NHSL3: variants seen among roughly 807,000 people sequenced by gnomAD.
NHSL3 encodes NHS like 3.
the NHSL3 span, chr1:32,765,773 G>A: frequency 1.3e-6 from 2 of 1,547,944 alleles, no homozygotes; most frequent in East Asian, 2.4e-5. Flanking sequence ...CGCAGTCATG[G>A]TGGTGTTCGT....
At chr1:32,769,763 C>T in the NHSL3 span, 90 of 1,613,774 alleles carry the variant, frequency 5.6e-5, 1 homozygote, top group African/African-American at 3.1e-4. Flanking sequence ...CTGGGACTCC[C>T]GCAGCATGTG....
chr1:32,744,502 CTGT>C, the NHSL3 span, among the ~76,000 whole-genome samples: 1 of 152,172 alleles, frequency 6.6e-6, no homozygotes, highest in Non-Finnish European at 1.5e-5. Flanking sequence ...AAAATCGGGA[CTGT>C]TTTCATGACT....
the NHSL3 span, chr1:32,772,368 G>C: frequency 1.9e-6 from 3 of 1,590,876 alleles, no homozygotes; most frequent in Non-Finnish European, 2.6e-6. Flanking sequence ...ACAGGACTAA[G>C]AGGGAGCTGG....
the NHSL3 span, among the ~76,000 whole-genome samples, chr1:32,766,278 G>C: frequency 6.6e-6 from 1 of 152,122 alleles, no homozygotes; most frequent in Admixed American, 6.5e-5. Context: ...TTTGGAGGGA[G>C]GGGCCTGTTC....
the NHSL3 span, chr1:32,765,828 G>T: frequency 6.5e-7 from 1 of 1,546,270 alleles, no homozygotes. Context: ...AAGAAGAAGG[G>T]TGAGTGGGTG....
At chr1:32,742,156 G>A in the NHSL3 span, 2 of 1,245,460 alleles carry the variant, frequency 1.6e-6, no homozygotes, top group African/African-American at 1.6e-5. Context: ...GAAGGCGGAG[G>A]ACAAGGCCAA....
chr1:32,759,032 G>A, the NHSL3 span, among the ~76,000 whole-genome samples: 1 of 152,188 alleles, frequency 6.6e-6, no homozygotes, highest in Non-Finnish European at 1.5e-5. Flanking sequence ...TGGAGTGGTG[G>A]GGAGAGGAGG....
chr1:32,770,596 T>C, the NHSL3 span: 1 of 1,516,848 alleles, frequency 6.6e-7, no homozygotes, highest in Non-Finnish European at 8.8e-7. This position sits in a 1 kb window ranked among gnomAD's most constrained non-coding sequence, Gnocchi z 8.3. Context: ...TGCTGAGGCC[T>C]CAGACACACT....
the NHSL3 span, chr1:32,771,023 G>A: frequency 4.3e-5 from 69 of 1,601,392 alleles, no homozygotes; most frequent in African/African-American, 6.1e-4. Context: ...AAACCAGAGC[G>A]TGTCACGTCT....
the NHSL3 span, among the ~76,000 whole-genome samples, chr1:32,754,838 C>T: frequency 6.6e-6 from 1 of 152,164 alleles, no homozygotes; most frequent in Non-Finnish European, 1.5e-5. Flanking sequence ...CTGGGGACCG[C>T]CTCCATCTGG....
the NHSL3 span, among the ~76,000 whole-genome samples, chr1:32,749,485 G>T: frequency 6.6e-6 from 1 of 152,066 alleles, no homozygotes; most frequent in African/African-American, 2.4e-5. Context: ...GTCATAGGGA[G>T]CCCTCATGGT....
At chr1:32,754,143 C>G in the NHSL3 span, 2 of 712,430 alleles carry the variant, frequency 2.8e-6, no homozygotes, top group Non-Finnish European at 5.2e-6. Flanking sequence ...GGGTCCGCAG[C>G]TTCTGGCGGT....
the NHSL3 span, among the ~76,000 whole-genome samples, chr1:32,760,826 C>G: frequency 2.0e-5 from 3 of 151,988 alleles, no homozygotes; most frequent in African/African-American, 7.3e-5. Context: ...CCTGACCTCG[C>G]GATCCACCCG....
At chr1:32,744,354 A>C in the NHSL3 span, among the ~76,000 whole-genome samples, 1 of 152,150 alleles carries the variant, frequency 6.6e-6, no homozygotes, top group Admixed American at 6.5e-5. Context: ...GCACAAACTT[A>C]GAAGAAGAGA....
chr1:32,769,157 G>A, the NHSL3 span, among the ~76,000 whole-genome samples: 1,397 of 152,188 alleles, frequency 9.2e-3, 20 homozygotes, highest in African/African-American at 0.032. Flanking sequence ...GGGAGGCTGA[G>A]GCAGGAGAAT....
At chr1:32,752,220 A>G in the NHSL3 span, among the ~76,000 whole-genome samples, 2 of 152,046 alleles carry the variant, frequency 1.3e-5, no homozygotes, top group Non-Finnish European at 2.9e-5. Context: ...ACTGTTGTCA[A>G]CCTGAGACTC....
the NHSL3 span, chr1:32,767,745 A>G: frequency 6.4e-7 from 1 of 1,555,574 alleles, no homozygotes; most frequent in African/African-American, 1.4e-5. Context: ...TGCAGGGCCC[A>G]GATGCCTTTA....
At chr1:32,754,051 G>A in the NHSL3 span, 1 of 634,880 alleles carries the variant, frequency 1.6e-6, no homozygotes, top group Non-Finnish European at 2.9e-6. Context: ...GGGCTGGCTG[G>A]GCCGCGCTTG....
chr1:32,758,761 G>C, the NHSL3 span, among the ~76,000 whole-genome samples: 2 of 152,100 alleles, frequency 1.3e-5, no homozygotes, highest in African/African-American at 4.8e-5. Flanking sequence ...CTCAGATGAA[G>C]AAACTGAGGC....
Sources: allele counts gnomAD v4.1 joint callset (sites outside exome capture counted in the v4.1 genomes callset), GRCh38; gene constraint gnomAD v4.1.1; non-coding constraint Gnocchi (gnomAD v3.1); transcripts MANE v1.5; gene names NCBI Gene and HGNC (gene_info 2026-07-23, HGNC 2026-07-21).